Variants in CLCN7 observed in about 807,000 individuals in gnomAD.
The protein encoded by CLCN7 is H(+)/Cl(-) exchange transporter 7.
A neutral mutation model predicts 102.1 loss-of-function variants in CLCN7; 60 were observed. That is an observed-to-expected ratio of 0.59 (90% CI 0.48 to 0.73). The LOEUF (loss-of-function observed/expected upper bound fraction) is 0.73. CLCN7 is among the 30% of genes least tolerant of loss of function. The pLI, the probability that CLCN7 is intolerant of heterozygous loss-of-function variation, is 0.00. For missense variants in CLCN7, 962 were observed against 1,125.7 expected (o/e 0.85, Z 2.08); for synonymous variants, 560 against 490.5 (o/e 1.14, Z -1.87).
rs921948553 is a variant in CLCN7 at position 1,447,023 on chromosome 16, C to T, written c.2314G>A (p.Val772Met). 1.3e-6 allele frequency: 2 copies of T among 1,599,848 alleles called. No homozygotes were observed. The highest frequency in any genetic ancestry group is 1.1e-5 in the South Asian group (1 of 89,682). The change falls in exon 24 of 25, where the codon GTG becomes ATG. Residue 772 changes from valine (V) to methionine (M), a missense_variant. Around this residue, in one of 2 missense-constraint regions of CLCN7, gnomAD observed 799 missense variants for 988.0 expected, o/e 0.81. Transcript: ENST00000382745. ...CCGCTCACCTGATTGCGGTTGTCCA[C>T]CACCACCAGGTGCCGCAGGCCCAGG... ...RALGLRHLVV[V>M]DNRNQVVGLV...
chr16:1,447,026 C>T lies in CLCN7; in HGVS notation c.2311G>A (p.Val771Met). ...FRALGLRHLV[V>M]VDNRNQVVGL... ...CTCACCTGATTGCGGTTGTCCACCA[C>T]CACCAGGTGCCGCAGGCCCAGGGCC... The change falls in exon 24 of 25, where the codon GTG (valine) becomes ATG (methionine). Residue 771 changes from valine to methionine, a missense_variant. Coordinates refer to ENST00000382745, the MANE Select transcript of CLCN7 (RefSeq NM_001287.6). The T allele has an allele frequency of 1.2e-6, 2 of 1,600,438 alleles. No individual in the cohort carries two copies. Among genetic ancestry groups the T allele is most frequent in the East Asian group, 2.2e-5 (1 of 44,464 alleles).
At position 1,456,351 on chromosome 16, in the gene CLCN7, C is replaced by A. The variant is rs201185974; in HGVS notation, c.823-145G>T. 21 of 703,058 alleles carry A rather than the reference C, an allele frequency of 3.0e-5. No homozygotes were observed. The Admixed American group carries it at 4.3e-4, about 14-fold the overall frequency. 43.6% of individuals were successfully genotyped at this position (703,058 alleles called of 1,614,324 possible). ...AGCAGCTCTGATTCCTGAAGAGCAC[C>A]GTGCTGCAGACCACGGCAAGAGACA... On this transcript the variant is annotated intron_variant, in intron 9 of 24. Coordinates refer to ENST00000382745, the MANE Select transcript of CLCN7 (RefSeq NM_001287.6).
chr16:1,452,993 G>A (rs1317085558), intron 14 of CLCN7, 100 bp from the exon 15 acceptor site: 8 of 1,479,824 alleles, frequency 5.4e-6, no homozygotes, highest in South Asian at 1.2e-5. Context: ...CACTGGGCCC[G>A]TGGTGCTTTT....
intron 24 of CLCN7, 68 bp from the exon 25 acceptor site, chr16:1,446,785 T>A: frequency 7.3e-7 from 1 of 1,375,392 alleles, no homozygotes; most frequent in Non-Finnish European, 1.0e-6. Flanking sequence ...GCTCCCTGCC[T>A]TGTGTGTGGC....
Position 1,448,701 on chromosome 16 carries a change from G to A in CLCN7, c.1863C>T (p.Thr621=). 1 of 1,612,714 alleles carries A rather than the reference G, an allele frequency of 6.2e-7. No homozygotes were observed. The highest frequency in any genetic ancestry group is 8.5e-7 in the Non-Finnish European group (1 of 1,179,976). The change falls in exon 20 of 25, where the codon ACC becomes ACT. Residue 621 remains threonine (T), a synonymous_variant. Coordinates refer to ENST00000382745, the MANE Select transcript of CLCN7 (RefSeq NM_001287.6). ...VPFLHWEAPV[T]SHSLTAREVM... is the part of the protein sequence containing the mutation. ...TGTACCTGGCAGTGAGTGAGTGTGAGGTGACCGGGGCCTCCCAGTGCAGGA... is the reference window on the plus strand; with the variant it reads ...TGTACCTGGCAGTGAGTGAGTGTGAAGTGACCGGGGCCTCCCAGTGCAGGA...
intron 19 of CLCN7, 38 bp downstream of exon 19, chr16:1,448,928 C>A (rs1361375727): frequency 1.2e-6 from 2 of 1,610,508 alleles, no homozygotes; most frequent in Non-Finnish European, 1.7e-6. Context: ...ATGGCAGCAC[C>A]CACGCTCTCA....
At chr16:1,453,750 T>TAA (rs943434740) in intron 14 of CLCN7, 84 bp downstream of exon 14, 8 of 1,309,052 alleles carry the variant, frequency 6.1e-6, no homozygotes, top group Non-Finnish European at 8.9e-6. Context: ...CCTAGGAGTG[T>TAA]AAACCCCATT....
intron 20 of CLCN7, 88 bp from the exon 21 acceptor site, chr16:1,448,572 G>A: frequency 6.2e-7 from 1 of 1,601,406 alleles, no homozygotes; most frequent in Non-Finnish European, 8.5e-7. Context: ...TGAAGCCGCT[G>A]GACAGGAAAC....
At chr16:1,466,296 C>T (rs1031827517) in intron 1 of CLCN7, among the ~76,000 whole-genome samples, 1 of 152,218 alleles carries the variant, frequency 6.6e-6, no homozygotes, top group Non-Finnish European at 1.5e-5. Context: ...CCGTCCCCTC[C>T]TCATCCCCCC....
Position 1,475,015 on chromosome 16 carries a change from C to A in CLCN7, c.-41G>T, listed in dbSNP as rs745631867. 3.5e-6 allele frequency: 5 copies of A among 1,412,264 alleles called. 1 individual carries two copies. In the South Asian group the frequency reaches 5.8e-5, roughly 16 times the overall value. 87.5% of individuals were successfully genotyped at this position (1,412,264 alleles called of 1,614,324 possible). A position where few individuals can be genotyped will look rare whatever the true frequency, so the allele number is the denominator to read the frequency against. ...GACACCGGCCGGGAAGCGCCGGCTG[C>A]CCCCGTGTTTGTTCTCGTGACCCGC... On this transcript the variant is annotated 5_prime_UTR_variant, in exon 1 of 25. Coordinates refer to ENST00000382745, the MANE Select transcript of CLCN7 (RefSeq NM_001287.6).
rs1485208873 is a variant in CLCN7 at position 1,447,691 on chromosome 16, G to C, written c.2037C>G (p.Ile679Met). 2 of 1,556,678 alleles carry C rather than the reference G, an allele frequency of 1.3e-6. No homozygotes were observed. The highest frequency in any genetic ancestry group is 2.4e-5 in the South Asian group (2 of 84,484). The part of the protein sequence containing the change: ...DTQPARLQGL[I>M]LRSQLIVLLK... ...GGAGAACGATGAGCTGGGAGCGCAG[G>C]ATCAGGCCCTGGAGCCGGGCAGGCT... The change falls in exon 22 of 25, where the codon ATC becomes ATG. Residue 679 changes from isoleucine (I) to methionine (M), a missense_variant. Physicochemically the swap from Ile to Met is conservative, Grantham distance 10. Coordinates refer to ENST00000382745, the MANE Select transcript of CLCN7 (RefSeq NM_001287.6).
chr16:1,450,359 G>T, intron 17 of CLCN7, 138 bp downstream of exon 17: 1 of 896,040 alleles, frequency 1.1e-6, no homozygotes, highest in Non-Finnish European at 1.8e-6. Flanking sequence ...TGAACCACGC[G>T]AGGACAACGC....
intron 1 of CLCN7, 113 bp downstream of exon 1, chr16:1,474,721 C>T (rs2039126908): frequency 1.0e-6 from 1 of 957,754 alleles, no homozygotes; most frequent in African/African-American, 1.8e-5. Flanking sequence ...GTCCACCGCG[C>T]CTCGGTCGCC....
chr16:1,454,597 G>A (rs981394171), intron 12 of CLCN7, 132 bp from the exon 13 acceptor site: 6 of 881,096 alleles, frequency 6.8e-6, no homozygotes, highest in African/African-American at 6.6e-5. Context: ...CACGCAGGCT[G>A]CGGAAGTCCA....
rs375096271 is a variant in CLCN7 at position 1,448,432 on chromosome 16, C to G, written c.1936G>C (p.Val646Leu). The G allele has an allele frequency of 1.9e-5, 30 of 1,612,276 alleles. No individual in the cohort carries two copies. The highest frequency in any genetic ancestry group is 2.5e-5 in the Non-Finnish European group (30 of 1,179,980). Residue 646 changes from valine to leucine, a missense_variant, in exon 21 of 25, where the codon GTC becomes CTC. Physicochemically the swap from Val to Leu is conservative, Grantham distance 32. Transcript: ENST00000382745. Reference protein sequence around the residue: ...TCLRRREKVGVIVDVLSDTAS... With the variant: ...TCLRRREKVGLIVDVLSDTAS... The stretch of plus-strand genomic sequence containing the variant: ...GTGTCGCTCAGCACGTCCACAATGA[C>G]GCCGACCTTCTCACGCCGCCTCAGG...
At chr16:1,470,554 T>A (rs544999416) in intron 1 of CLCN7, among the ~76,000 whole-genome samples, 167 of 152,208 alleles carry the variant, frequency 1.1e-3, no homozygotes, top group South Asian at 8.3e-3. Context: ...GTCCATGCAG[T>A]GTCCCCATGG....
chr16:1,458,143 C>T (rs923528887), intron 7 of CLCN7, among the ~76,000 whole-genome samples: 16 of 152,210 alleles, frequency 1.1e-4, no homozygotes, highest in Non-Finnish European at 1.5e-5. Flanking sequence ...ACACCCCTGG[C>T]ACTGGAAGGC....
rs949009886 is a variant in CLCN7, at chr16:1,457,067, C to T, written c.822+187G>A. 6.6e-5 allele frequency among the ~76,000 whole-genome samples: 10 copies of T among 152,152 alleles called. No homozygotes were observed. Among genetic ancestry groups the T allele is most frequent in the Admixed American group, 1.3e-4 (2 of 15,278 alleles). On this transcript the variant is annotated intron_variant, in intron 9 of 24. Coordinates refer to ENST00000382745, the MANE Select transcript of CLCN7 (RefSeq NM_001287.6). The surrounding 1 kb of genome is among the most constrained non-coding windows in gnomAD (Gnocchi z 5.4). ...GCAGGGGACCCAAGGAGGGAAGCAG[C>T]GGGCCGTAGGGAGGCCTTGCCGGGC...
rs747070085 is a variant in CLCN7 at position 1,457,222 on chromosome 16, C to G, written c.822+32G>C. 3.7e-6 allele frequency: 6 copies of G among 1,601,128 alleles called. No homozygotes were observed. In the South Asian group the frequency reaches 6.6e-5, roughly 18 times the overall value. ...GTGCCCGTGCCCGTGCCCATGGCATCTGGAGCCCACCCACACAAGATTTCA... is the reference window on the plus strand; with the variant it reads ...GTGCCCGTGCCCGTGCCCATGGCATGTGGAGCCCACCCACACAAGATTTCA... On this transcript the variant is annotated intron_variant, in intron 9 of 24. Coordinates refer to ENST00000382745, the MANE Select transcript of CLCN7 (RefSeq NM_001287.6). This position sits in a 1 kb window ranked among gnomAD's most constrained non-coding sequence, Gnocchi z 5.4.
Sources: gnomAD v4.1 joint callset for allele counts (sites outside exome capture counted in the v4.1 genomes callset) on GRCh38, gnomAD v4.1.1 for gene constraint, gnomAD v4.1.1 regional missense constraint, Gnocchi (gnomAD v3.1) non-coding constraint, MANE v1.5 for transcripts, NCBI Gene and HGNC (gene_info 2026-07-23, HGNC 2026-07-21) for gene names.